Variants in PPP2R3A observed in about 807,000 individuals in gnomAD.
The protein encoded by PPP2R3A is protein phosphatase 2 regulatory subunit B''alpha, also known as serine/threonine-protein phosphatase 2A regulatory subunit B'' subunit alpha.
In PPP2R3A, 80 loss-of-function variants were observed where a neutral mutation model predicts 106.9. That is an observed-to-expected ratio of 0.75 (90% CI 0.62 to 0.90). PPP2R3A has a LOEUF of 0.90. Among genes scored for constraint, PPP2R3A ranks in the 40% least tolerant of loss-of-function variants. PPP2R3A has a pLI of 0.00. For missense variants in PPP2R3A, 1,386 were observed against 1,350.4 expected, an observed-to-expected ratio of 1.03 and a Z score of -0.41; for synonymous variants, 483 against 468.3, an observed-to-expected ratio of 1.03 and a Z score of -0.41.
intron 13 of PPP2R3A, among the ~76,000 whole-genome samples, chr3:136,136,045 CAAAA>C (rs34558229): frequency 8.9e-5 from 2 of 22,360 alleles, no homozygotes; most frequent in African/African-American, 3.3e-4. Context: ...GACTCCGTCT[CAAAA>C]AAAAAAAAAA....
At chr3:136,074,609 A>G (rs1936540083) in intron 6 of PPP2R3A, among the ~76,000 whole-genome samples, 1 of 152,246 alleles carries the variant, frequency 6.6e-6, no homozygotes, top group South Asian at 2.1e-4. Flanking sequence ...AAAATAAGCG[A>G]TGAGATTTAA....
intron 2 of PPP2R3A, among the ~76,000 whole-genome samples, chr3:136,009,924 A>C (rs1397718592): frequency 6.6e-6 from 1 of 152,182 alleles, no homozygotes; most frequent in East Asian, 1.9e-4. Flanking sequence ...ACAGAAGATC[A>C]CACAACCATG....
intron 2 of PPP2R3A, among the ~76,000 whole-genome samples, chr3:136,005,348 A>G (rs1933805126): frequency 6.6e-6 from 1 of 152,214 alleles, no homozygotes; most frequent in South Asian, 2.1e-4. Flanking sequence ...AGCATTTTGA[A>G]TAAGGGATAC....
At chr3:136,131,165 C>A (rs1396191605) in intron 13 of PPP2R3A, among the ~76,000 whole-genome samples, 1 of 152,150 alleles carries the variant, frequency 6.6e-6, no homozygotes, top group African/African-American at 2.4e-5. Context: ...CAAATGGGAT[C>A]TAATTAAACT....
intron 10 of PPP2R3A, among the ~76,000 whole-genome samples, chr3:136,095,479 G>T (rs1270397412): frequency 6.6e-6 from 1 of 152,148 alleles, no homozygotes; most frequent in African/African-American, 2.4e-5. Context: ...TTCAGTTGAT[G>T]AAACAGAAGC....
intron 11 of PPP2R3A, among the ~76,000 whole-genome samples, chr3:136,102,749 G>A (rs1937410180): frequency 6.6e-6 from 1 of 152,120 alleles, no homozygotes. Flanking sequence ...ATGCTGAGGT[G>A]GGAGGATTGC....
At chr3:136,095,267 CAT>C in intron 10 of PPP2R3A, among the ~76,000 whole-genome samples, 1 of 152,294 alleles carries the variant, frequency 6.6e-6, no homozygotes, top group South Asian at 2.1e-4. Flanking sequence ...ACTGGATTCT[CAT>C]AGAATGTTAC....
chr3:135,984,900 T>C (rs1047683225), intron 1 of PPP2R3A, among the ~76,000 whole-genome samples: 9 of 152,114 alleles, frequency 5.9e-5, no homozygotes, highest in African/African-American at 1.9e-4. Context: ...TCGTGGATGG[T>C]GCCAGGCACC....
chr3:135,983,955 C>CT (rs566911173), intron 1 of PPP2R3A, among the ~76,000 whole-genome samples: 2 of 152,086 alleles, frequency 1.3e-5, no homozygotes, highest in African/African-American at 4.8e-5. Context: ...TCTGTTATGA[C>CT]TTTTTTTATA....
intron 13 of PPP2R3A, among the ~76,000 whole-genome samples, chr3:136,116,538 T>G (rs1937768683): frequency 6.6e-6 from 1 of 152,046 alleles, no homozygotes; most frequent in South Asian, 2.1e-4. Context: ...AGTAAAAGGA[T>G]GGAGGAATAT....
intron 10 of PPP2R3A, among the ~76,000 whole-genome samples, chr3:136,101,442 G>GAGGCGGGAGTCTCGTTCTTTCACCC (rs1937356950): frequency 1.3e-5 from 2 of 152,102 alleles, no homozygotes; most frequent in African/African-American, 4.8e-5. Flanking sequence ...TTTTTATCTT[G>GAGGCGGGAGTCTCGTTCTTTCACCC]AGGCGGGAGT....
chr3:135,984,580 A>C (rs1937581462), intron 1 of PPP2R3A, among the ~76,000 whole-genome samples: 1 of 152,084 alleles, frequency 6.6e-6, no homozygotes, highest in Non-Finnish European at 1.5e-5. Flanking sequence ...TTCTCGCGAT[A>C]GTATGTCCTC....
intron 1 of PPP2R3A, among the ~76,000 whole-genome samples, chr3:135,969,885 C>T (rs939810163): frequency 2.0e-5 from 3 of 152,152 alleles, no homozygotes; most frequent in South Asian, 2.1e-4. Context: ...CACAGATGAT[C>T]GCAGCTCTTC....
At chr3:136,036,976 T>G (rs1469913877) in intron 3 of PPP2R3A, among the ~76,000 whole-genome samples, 1 of 152,268 alleles carries the variant, frequency 6.6e-6, no homozygotes, top group Non-Finnish European at 1.5e-5. Context: ...ACTGTTCATA[T>G]TCTTATGATA....
chr3:136,002,901 A>T lies in PPP2R3A; in HGVS notation c.1403A>T (p.Glu468Val). 6.2e-7 allele frequency: 1 copy of T among 1,612,562 alleles called. No homozygotes were observed. Among genetic ancestry groups the T allele is most frequent in the African/African-American group, 1.3e-5 (1 of 74,900 alleles). The change falls in exon 2 of 14, where the codon GAA (glutamate) becomes GTA (valine). Residue 468 changes from glutamate (E) to valine (V), a missense_variant. Physicochemically the swap from Glu to Val is moderately radical, Grantham distance 121. Coordinates refer to ENST00000264977, the MANE Select transcript of PPP2R3A (RefSeq NM_002718.5). ...AAATGCCCCACCCCAATGCAAAATG[A>T]AATTGGTAAGATATTTGAGAAATCA... ...LKKCPTPMQNEIGKIFEKSFV... is the reference protein window; with the variant it reads ...LKKCPTPMQNVIGKIFEKSFV...
chr3:136,028,845 G>GTTGTT lies in PPP2R3A; in HGVS notation c.2262+1765_2262+1769dup, dbSNP rs546287596. 7.2e-5 allele frequency among the ~76,000 whole-genome samples: 11 copies of GTTGTT among 152,056 alleles called. 1 individual carries two copies. The highest frequency in any genetic ancestry group is 3.4e-3 in the Middle Eastern group (1 of 294). ...GTTGTTGTTGTTGTTTTTTGTTGTT[G>GTTGTT]TTGTTTTGTTTTGTTTTGTTTTTTG... On this transcript the variant is annotated intron_variant, in intron 3 of 13. Transcript: ENST00000264977.
At chr3:136,061,659 G>A (rs147387165) in intron 5 of PPP2R3A, among the ~76,000 whole-genome samples, 53 of 151,906 alleles carry the variant, frequency 3.5e-4, no homozygotes, top group African/African-American at 1.1e-3. Context: ...AGTGGCTCAC[G>A]CCTGTAATCC....
In PPP2R3A at chr3:136,115,212, T is replaced by C. The variant is rs373920379; in HGVS notation, c.3329+8890T>C. 1.8e-4 allele frequency among the ~76,000 whole-genome samples: 27 copies of C among 152,008 alleles called. No homozygotes were observed. The East Asian group carries it at 4.7e-3, about 26-fold the overall frequency. On this transcript the variant is annotated intron_variant, in intron 13 of 13. Coordinates refer to ENST00000264977, the MANE Select transcript of PPP2R3A (RefSeq NM_002718.5). ...AGGAAAACTAACAAACAGAAAAGAA[T>C]AGCATGTCTACTCAGAGACCCCATC... is the stretch of plus-strand genomic sequence containing the variant.
intron 2 of PPP2R3A, among the ~76,000 whole-genome samples, chr3:136,009,649 A>T (rs978213873): frequency 6.6e-6 from 1 of 151,976 alleles, no homozygotes; most frequent in Non-Finnish European, 1.5e-5. Flanking sequence ...ATATTCTCCT[A>T]CCCCAACCCA....
Sources: gnomAD v4.1 joint callset for allele counts (sites outside exome capture counted in the v4.1 genomes callset) on GRCh38, gnomAD v4.1.1 for gene constraint, MANE v1.5 for transcripts, NCBI Gene and HGNC (gene_info 2026-07-23, HGNC 2026-07-21) for gene names.